CELSR3: variants seen among roughly 807,000 people sequenced by gnomAD.
The protein encoded by CELSR3 is EGF-like protein 1.
Under a neutral mutation model 270.0 loss-of-function variants are expected in CELSR3, and 73 were observed. The ratio of observed to expected loss-of-function variants is 0.27; its 90% confidence interval spans 0.22 to 0.33. The LOEUF (loss-of-function observed/expected upper bound fraction) is 0.33. CELSR3 is among the 10% of genes least tolerant of loss of function. The pLI, the probability that CELSR3 is intolerant of heterozygous loss-of-function variation, is 1.00. For missense variants in CELSR3, 3,614 were observed against 4,533.8 expected, an observed-to-expected ratio of 0.80 and a Z score of 5.83; for synonymous variants, 1,780 against 1,905.4, an observed-to-expected ratio of 0.93 and a Z score of 1.71.
rs2077044204 is a variant in CELSR3 at position 48,658,816 on chromosome 3, G to A, written c.3748+71C>T. ...CTTAGAAATCCCTCTTTGGTTTGAG[G>A]TGCCCTGTGGAGTCCCTGAGGCCCA... On this transcript the variant is annotated intron_variant, in intron 1 of 34. Transcript: ENST00000164024. This position sits in a 1 kb window ranked among gnomAD's most constrained non-coding sequence, Gnocchi z 4.7. 3.2e-6 allele frequency: 5 copies of A among 1,546,152 alleles called. No individual in the cohort carries two copies. Among genetic ancestry groups the A allele is most frequent in the Non-Finnish European group, 3.5e-6 (4 of 1,137,414 alleles).
At position 48,655,986 on chromosome 3, in the gene CELSR3, G is replaced by C. The variant is rs1435838762; in HGVS notation, c.4626-135C>G. The C allele has an allele frequency of 9.0e-7, 1 of 1,116,048 alleles. No individual in the cohort carries two copies. Among genetic ancestry groups the C allele is most frequent in the Non-Finnish European group, 1.3e-6 (1 of 770,250 alleles). The allele number at this position is 1,116,048 out of a possible 1,614,324, so 69.1% of individuals were successfully genotyped here. ...GAGGGACGGCGGGACCGACCGGGGG[G>C]ACGCGGGTGCAGCGAGGTCAGGAGA... On this transcript the variant is annotated intron_variant, in intron 3 of 34. Coordinates refer to ENST00000164024, the MANE Select transcript of CELSR3 (RefSeq NM_001407.3). This position sits in a 1 kb window ranked among gnomAD's most constrained non-coding sequence, Gnocchi z 5.8.
chr3:48,644,910 G>A lies in CELSR3; in HGVS notation c.7973-82C>T. 2 of 1,517,164 alleles carry A rather than the reference G, an allele frequency of 1.3e-6. No individual in the cohort carries two copies. The highest frequency in any genetic ancestry group is 1.2e-5 in the South Asian group (1 of 86,264). The allele number at this position is 1,517,164 out of a possible 1,614,324, so 94.0% of individuals were successfully genotyped here. ...CATGTATGGGAGAAAGCATGGGTGA[G>A]GGCAGAGCAGCAACCCCATGAATAG... On this transcript the variant is annotated intron_variant, in intron 25 of 34. Coordinates refer to ENST00000164024, the MANE Select transcript of CELSR3 (RefSeq NM_001407.3). The surrounding 1 kb of genome is among the most constrained non-coding windows in gnomAD (Gnocchi z 4.8).
At position 48,642,698 on chromosome 3, in the gene CELSR3, A is replaced by C; in HGVS notation, c.8555+38T>G. 1.3e-6 allele frequency: 2 copies of C among 1,594,876 alleles called. No homozygotes were observed. The highest frequency in any genetic ancestry group is 1.7e-6 in the Non-Finnish European group (2 of 1,174,098). ...GCCCTGGTAAGGTGGGGCTGGACTAAGCTGAGTGTTCCCTCACAAGGAGGC... is the reference window on the plus strand; with the variant it reads ...GCCCTGGTAAGGTGGGGCTGGACTACGCTGAGTGTTCCCTCACAAGGAGGC... On this transcript the variant is annotated intron_variant, in intron 30 of 34. Transcript: ENST00000164024. The surrounding 1 kb of genome is among the most constrained non-coding windows in gnomAD (Gnocchi z 6.1).
In CELSR3 at chr3:48,637,035, CAA is replaced by C. The variant is rs1223235239; in HGVS notation, c.*1168_*1169del. On this transcript the variant is annotated 3_prime_UTR_variant, in exon 35 of 35. Coordinates refer to ENST00000164024, the MANE Select transcript of CELSR3 (RefSeq NM_001407.3). ...TCTACTGTAAACAAAGTGTAAAACT[CAA>C]AGTTTTGAGTTGTAAACAAAGTAAA... The C allele has an allele frequency of 6.6e-6, 1 of 152,502 alleles. No homozygotes were observed. The highest frequency in any genetic ancestry group is 1.5e-5 in the Non-Finnish European group (1 of 68,036). 9.4% of individuals were successfully genotyped at this position (152,502 alleles called of 1,614,324 possible). A position where few individuals can be genotyped will look rare whatever the true frequency, so the allele number is the denominator to read the frequency against.
chr3:48,650,573 C>T lies in CELSR3; in HGVS notation c.6379G>A (p.Asp2127Asn). 1 of 1,603,348 alleles carries T rather than the reference C, an allele frequency of 6.2e-7. No individual in the cohort carries two copies. Among genetic ancestry groups the T allele is most frequent in the Non-Finnish European group, 8.5e-7 (1 of 1,177,028 alleles). The part of the protein sequence containing the change: ...VTASGCRVLY[D>N]ACPKSLRSGV... ...GATCTCAGGGACTTAGGGCAGGCAT[C>T]ATAGAGCACTAGAGAGAGAAGAGGT... The change falls in exon 16 of 35, where the codon GAT becomes AAT. Residue 2127 changes from aspartate to asparagine, a missense_variant. This residue lies in a region of CELSR3 where 1,331 missense variants were observed against 1,933.7 expected (regional missense o/e 0.69). Transcript: ENST00000164024. The surrounding 1 kb of genome is among the most constrained non-coding windows in gnomAD (Gnocchi z 5.1).
rs767846362 is a variant in CELSR3, at chr3:48,659,484, C to T, written c.3151G>A (p.Val1051Ile). 6.2e-7 allele frequency: 1 copy of T among 1,614,232 alleles called. No homozygotes were observed. Among genetic ancestry groups the T allele is most frequent in the Non-Finnish European group, 8.5e-7 (1 of 1,180,042 alleles). ...TCCTGCACCATCACCTGGATACTGA[C>T]TGGAGTCCGGAGTGGGGGCACACCT... is the stretch of plus-strand genomic sequence containing the variant. ...DRGVPPLRTP[V>I]SIQVMVQDVN... Residue 1051 changes from valine to isoleucine, a missense_variant, in exon 1 of 35, where the codon GTC becomes ATC. Around this residue, in one of 7 missense-constraint regions of CELSR3, gnomAD observed 1,331 missense variants for 1,933.7 expected, o/e 0.69. Transcript: ENST00000164024. The surrounding 1 kb of genome is among the most constrained non-coding windows in gnomAD (Gnocchi z 8.1).
In CELSR3 at chr3:48,642,166, T is replaced by C. The variant is rs943577063; in HGVS notation, c.8666-157A>G. The C allele has an allele frequency of 1.1e-5, 10 of 880,040 alleles. No homozygotes were observed. Among genetic ancestry groups the C allele is most frequent in the South Asian group, 5.4e-5 (3 of 55,752 alleles). The allele number at this position is 880,040 out of a possible 1,614,324, so 54.5% of individuals were successfully genotyped here. A position where few individuals can be genotyped will look rare whatever the true frequency, so the allele number is the denominator to read the frequency against. On this transcript the variant is annotated intron_variant, in intron 31 of 34. Transcript: ENST00000164024. This position sits in a 1 kb window ranked among gnomAD's most constrained non-coding sequence, Gnocchi z 6.1. ...AGGTAGCAGCAGAAGGGCTGGGACT[T>C]ATCAGAGGGAAGGACGAATCAGGAG...
intron 20 of CELSR3, 28 bp downstream of exon 20, chr3:48,647,813 G>T (rs929994838): frequency 3.1e-6 from 5 of 1,601,190 alleles, no homozygotes; most frequent in Non-Finnish European, 2.5e-6. Flanking sequence ...GACAGGACTT[G>T]GCCCAGGGGT....
chr3:48,653,849 G>A lies in CELSR3; in HGVS notation c.5278+29C>T. Reference sequence around the variant, plus strand: ...CCCCAGGAACAGATCTGACCCTGCAGGCCCCTCTGCCCCATGCTGCCCACT... The same window carrying A: ...CCCCAGGAACAGATCTGACCCTGCAAGCCCCTCTGCCCCATGCTGCCCACT... On this transcript the variant is annotated intron_variant, in intron 8 of 34. Transcript: ENST00000164024. This position sits in a 1 kb window ranked among gnomAD's most constrained non-coding sequence, Gnocchi z 6.5. The A allele has an allele frequency of 6.2e-7, 1 of 1,612,222 alleles. No individual in the cohort carries two copies. Among genetic ancestry groups the A allele is most frequent in the Non-Finnish European group, 8.5e-7 (1 of 1,178,510 alleles).
At position 48,642,088 on chromosome 3, in the gene CELSR3, G is replaced by A. The variant is rs569254108; in HGVS notation, c.8666-79C>T. ...GGAATTTGGAGTTGAGGGTCTAGAG[G>A]TGGGTACGGCAAGGGGGTTAGGGTT... On this transcript the variant is annotated intron_variant, in intron 31 of 34. Transcript: ENST00000164024. The surrounding 1 kb of genome is among the most constrained non-coding windows in gnomAD (Gnocchi z 6.1). 7.2e-7 allele frequency: 1 copy of A among 1,385,584 alleles called. No individual in the cohort carries two copies. The highest frequency in any genetic ancestry group is 9.7e-7 in the Non-Finnish European group (1 of 1,029,682). The allele number at this position is 1,385,584 out of a possible 1,614,324, so 85.8% of individuals were successfully genotyped here. A position where few individuals can be genotyped will look rare whatever the true frequency, so the allele number is the denominator to read the frequency against.
Position 48,643,674 on chromosome 3 carries a change from G to C in CELSR3, c.8169C>G (p.Thr2723=). 1 of 1,552,464 alleles carries C rather than the reference G, an allele frequency of 6.4e-7. No individual in the cohort carries two copies. The highest frequency in any genetic ancestry group is 8.7e-7 in the Non-Finnish European group (1 of 1,147,712). Residue 2723 remains threonine (T), a synonymous_variant, in exon 28 of 35, where the codon ACC becomes ACG. Coordinates refer to ENST00000164024, the MANE Select transcript of CELSR3 (RefSeq NM_001407.3). ...GAAGCAGCAGGAAGGAGCTGCGAAG[G>C]GTCCTGCTGTGGGGACATGGGAAGA... ...QREAKKTSAL[T]LRSSFLLLLL...
In CELSR3 at chr3:48,648,749, C is replaced by A; in HGVS notation, c.6747G>T (p.Leu2249=). 1 of 1,612,542 alleles carries A rather than the reference C, an allele frequency of 6.2e-7. No homozygotes were observed. Among genetic ancestry groups the A allele is most frequent in the South Asian group, 1.1e-5 (1 of 91,064 alleles). Residue 2249 remains leucine, a synonymous_variant, in exon 18 of 35, where the codon CTG becomes CTT. Transcript: ENST00000164024. The part of the protein sequence containing the change: ...AFESHQQGFG[L]TATQDAHFNE... The stretch of plus-strand genomic sequence containing the variant: ...TGAAGTGGGCATCCTGTGTGGCTGT[C>A]AGCCCGAAGCCCTGCTGATGGCTCT...
Position 48,640,113 on chromosome 3 carries a change from G to C in CELSR3, c.9472C>G (p.Pro3158Ala), listed in dbSNP as rs1184138136. ...TCAAGGTCCCGGGTGCGGCGGGGCGGAGGCAGCGTGCTCAACCACTCTCGA... is the reference window on the plus strand; with the variant it reads ...TCAAGGTCCCGGGTGCGGCGGGGCGCAGGCAGCGTGCTCAACCACTCTCGA... ...APREWLSTLPPPRRTRDLDPQ... is the reference protein window; with the variant it reads ...APREWLSTLPAPRRTRDLDPQ... Residue 3158 changes from proline to alanine, a missense_variant, in exon 34 of 35, where the codon CCG becomes GCG. Coordinates refer to ENST00000164024, the MANE Select transcript of CELSR3 (RefSeq NM_001407.3). This position sits in a 1 kb window ranked among gnomAD's most constrained non-coding sequence, Gnocchi z 7.5. 1.9e-6 allele frequency: 3 copies of C among 1,611,712 alleles called. No homozygotes were observed. Among genetic ancestry groups the C allele is most frequent in the Non-Finnish European group, 2.5e-6 (3 of 1,179,856 alleles).
In CELSR3 at chr3:48,637,726, C is replaced by A. The variant is rs6809205; in HGVS notation, c.*479G>T. 4.8e-3 allele frequency: 737 copies of A among 155,004 alleles called. 7 individuals are homozygous for A. The highest frequency in any genetic ancestry group is 0.017 in the African/African-American group (704 of 41,584). 9.6% of individuals were successfully genotyped at this position (155,004 alleles called of 1,614,324 possible). A position where few individuals can be genotyped will look rare whatever the true frequency, so the allele number is the denominator to read the frequency against. On this transcript the variant is annotated 3_prime_UTR_variant, in exon 35 of 35. Coordinates refer to ENST00000164024, the MANE Select transcript of CELSR3 (RefSeq NM_001407.3). ...GGAGCATTCAATAAAAAGCAAAGAA[C>A]AATTCTGTACTTTGGGCCCCTGACG... is the stretch of plus-strand genomic sequence containing the variant.
At position 48,644,862 on chromosome 3, in the gene CELSR3, T is replaced by C. The variant is rs201077378; in HGVS notation, c.7973-34A>G. 5.5e-5 allele frequency: 87 copies of C among 1,591,202 alleles called. No homozygotes were observed. The African/African-American group carries it at 1.1e-3, about 21-fold the overall frequency. On this transcript the variant is annotated intron_variant, in intron 25 of 34. Transcript: ENST00000164024. The surrounding 1 kb of genome is among the most constrained non-coding windows in gnomAD (Gnocchi z 4.8). Reference sequence around the variant, plus strand: ...GAGAAAGGGTAGGACTGAGGGTGTGTGTTCCAGAGCTGCTGACCAGCCCAT... The same window carrying C: ...GAGAAAGGGTAGGACTGAGGGTGTGCGTTCCAGAGCTGCTGACCAGCCCAT...
rs2047141128 is a variant in CELSR3 at position 48,651,959 on chromosome 3, G to A, written c.5841C>T (p.Thr1947=). Residue 1947 remains threonine, a synonymous_variant, in exon 12 of 35, where the codon ACC becomes ACT. Transcript: ENST00000164024. The surrounding 1 kb of genome is among the most constrained non-coding windows in gnomAD (Gnocchi z 7.4). Reference sequence around the variant, plus strand: ...GGCAGGGCCCAGAGGCACAGGCGTTGGTCACAACACAGCCAGGCTCCGCAT... The same window carrying A: ...GGCAGGGCCCAGAGGCACAGGCGTTAGTCACAACACAGCCAGGCTCCGCAT... ...RVNAEPGCVV[T]NACASGPCPP... 6.2e-7 allele frequency: 1 copy of A among 1,608,000 alleles called. No homozygotes were observed. Among genetic ancestry groups the A allele is most frequent in the East Asian group, 2.2e-5 (1 of 44,804 alleles).
rs957541047 is a variant in CELSR3 at position 48,652,913 on chromosome 3, C to T, written c.5634+89G>A. 2.7e-6 allele frequency: 3 copies of T among 1,093,986 alleles called. No homozygotes were observed. The African/African-American group carries it at 4.6e-5, about 17-fold the overall frequency. 67.8% of individuals were successfully genotyped at this position (1,093,986 alleles called of 1,614,324 possible). ...ATCAGACTCAGTGCAGTGGAGGGAACTGAGAGGAGCTGGACTAGAGGTGGG... is the reference window on the plus strand; with the variant it reads ...ATCAGACTCAGTGCAGTGGAGGGAATTGAGAGGAGCTGGACTAGAGGTGGG... On this transcript the variant is annotated intron_variant, in intron 10 of 34. Transcript: ENST00000164024. This position sits in a 1 kb window ranked among gnomAD's most constrained non-coding sequence, Gnocchi z 4.3.
At position 48,658,811 on chromosome 3, in the gene CELSR3, T is replaced by G. The variant is rs1390349713; in HGVS notation, c.3748+76A>C. The G allele has an allele frequency of 1.9e-6, 3 of 1,541,710 alleles. No individual in the cohort carries two copies. Among genetic ancestry groups the G allele is most frequent in the African/African-American group, 1.4e-5 (1 of 73,162 alleles). On this transcript the variant is annotated intron_variant, in intron 1 of 34. Transcript: ENST00000164024. The surrounding 1 kb of genome is among the most constrained non-coding windows in gnomAD (Gnocchi z 4.7). ...GAAGGCTTAGAAATCCCTCTTTGGT[T>G]TGAGGTGCCCTGTGGAGTCCCTGAG...
At position 48,652,089 on chromosome 3, in the gene CELSR3, G is replaced by C; in HGVS notation, c.5752-41C>G. Reference sequence around the variant, plus strand: ...CAGCAAGGGGTGAGACCATGTTAAGGCACCTCAGCCTCAAGTACTGCAGAG... The same window carrying C: ...CAGCAAGGGGTGAGACCATGTTAAGCCACCTCAGCCTCAAGTACTGCAGAG... On this transcript the variant is annotated intron_variant, in intron 11 of 34. Transcript: ENST00000164024. The surrounding 1 kb of genome is among the most constrained non-coding windows in gnomAD (Gnocchi z 4.3). The C allele has an allele frequency of 6.7e-7, 1 of 1,486,450 alleles. No individual in the cohort carries two copies. The highest frequency in any genetic ancestry group is 8.9e-7 in the Non-Finnish European group (1 of 1,121,374). 92.1% of individuals were successfully genotyped at this position (1,486,450 alleles called of 1,614,324 possible).
Sources: allele counts gnomAD v4.1 joint callset, GRCh38; gene constraint gnomAD v4.1.1; regional missense constraint gnomAD v4.1.1; non-coding constraint Gnocchi (gnomAD v3.1); transcripts MANE v1.5; gene names NCBI Gene and HGNC (gene_info 2026-07-23, HGNC 2026-07-21).